MAGEL2: variants seen among roughly 807,000 people sequenced by gnomAD.
MAGEL2 encodes MAGE family member L2, also known as MAGE-like protein 2.
For synonymous variants in MAGEL2, 792 were observed against 721.7 expected (o/e 1.10, Z -1.56); for missense variants, 1,830 against 1,699.2 (o/e 1.08, Z -1.35).
Position 23,643,755 on chromosome 15 carries a change from A to G in MAGEL2, c.*238T>C. On this transcript the variant is annotated 3_prime_UTR_variant, in exon 1 of 1. Transcript: ENST00000650528. ...AAACATAACAATTAAAACACAAAAC[A>G]GAGAACCACAGATCTCACTTAAAAA... The G allele has an allele frequency of 2.3e-6, 1 of 430,600 alleles. No homozygotes were observed. The allele number at this position is 430,600 out of a possible 1,614,324, so 26.7% of individuals were successfully genotyped here.
Position 23,647,240 on chromosome 15 carries a change from G to C in MAGEL2, c.503C>G (p.Pro168Arg). Reference sequence around the variant, plus strand: ...CCCCGGAGGAGGAGGATGGGCCATCGGGGTCCCCGGAGGAGGAGGATGGGC... The same window carrying C: ...CCCCGGAGGAGGAGGATGGGCCATCCGGGTCCCCGGAGGAGGAGGATGGGC... ...PMAHPPPPGT[P>R]MAHPPPPGTP... Residue 168 changes from proline (P) to arginine (R), a missense_variant, in exon 1 of 1, where the codon CCG becomes CGG. Transcript: ENST00000650528. 2 of 1,526,342 alleles carry C rather than the reference G, an allele frequency of 1.3e-6. No individual in the cohort carries two copies. The highest frequency in any genetic ancestry group is 2.0e-5 in the Admixed American group (1 of 50,304). The allele number at this position is 1,526,342 out of a possible 1,614,324, so 94.5% of individuals were successfully genotyped here.
rs550125705 is a variant in MAGEL2, at chr15:23,646,417, C to T, written c.1326G>A (p.Pro442=). The stretch of plus-strand genomic sequence containing the variant: ...TCACGGGTGGGGCCTGGCGGATCAC[C>T]GGTGGGGCCTGGCGGATCAGCGGTG... ...QAPPLIRQAP[P]VIRQAPPVIR... is the part of the protein sequence containing the mutation. The change falls in exon 1 of 1, where the codon CCG becomes CCA. Residue 442 remains proline (P), a synonymous_variant. Coordinates refer to ENST00000650528, the MANE Select transcript of MAGEL2 (RefSeq NM_019066.5). The surrounding 1 kb of genome is among the most constrained non-coding windows in gnomAD (Gnocchi z 4.2). 5.2e-5 allele frequency: 73 copies of T among 1,394,370 alleles called. No individual in the cohort carries two copies. The African/African-American group carries it at 8.0e-4, about 15-fold the overall frequency. The allele number at this position is 1,394,370 out of a possible 1,614,324, so 86.4% of individuals were successfully genotyped here.
chr15:23,646,119 C>A lies in MAGEL2; in HGVS notation c.1624G>T (p.Val542Leu), dbSNP rs1595332878. ...PAPQVQAAPQ[V>L]PTAPPATQVP... ...TGCGTAGCAGGTGGGGCCGTAGGCA[C>A]CTGCGGCGCCGCCTGCACCTGCGGG... Residue 542 changes from valine to leucine, a missense_variant, in exon 1 of 1, where the codon GTG becomes TTG. By Grantham distance (32) the Val-to-Leu change is conservative (BLOSUM62 1). Transcript: ENST00000650528. This position sits in a 1 kb window ranked among gnomAD's most constrained non-coding sequence, Gnocchi z 4.2. 7.3e-7 allele frequency: 1 copy of A among 1,372,394 alleles called. No individual in the cohort carries two copies. The highest frequency in any genetic ancestry group is 3.0e-5 in the East Asian group (1 of 33,068). 85.0% of individuals were successfully genotyped at this position (1,372,394 alleles called of 1,614,324 possible).
chr15:23,643,939 C>A lies in MAGEL2; in HGVS notation c.*54G>T. The A allele has an allele frequency of 1.3e-6, 2 of 1,487,308 alleles. No individual in the cohort carries two copies. The highest frequency in any genetic ancestry group is 1.5e-5 in the South Asian group (1 of 66,906). 92.1% of individuals were successfully genotyped at this position (1,487,308 alleles called of 1,614,324 possible). A position where few individuals can be genotyped will look rare whatever the true frequency, so the allele number is the denominator to read the frequency against. On this transcript the variant is annotated 3_prime_UTR_variant, in exon 1 of 1. Coordinates refer to ENST00000650528, the MANE Select transcript of MAGEL2 (RefSeq NM_019066.5). Reference sequence around the variant, plus strand: ...CCAGGAACAAAAATGTCCCCCCACCCTGTCAGTGGCCTCTGGCCAGGGAAA... The same window carrying A: ...CCAGGAACAAAAATGTCCCCCCACCATGTCAGTGGCCTCTGGCCAGGGAAA...
chr15:23,646,638 G>T lies in MAGEL2; in HGVS notation c.1105C>A (p.Gln369Lys). The T allele has an allele frequency of 6.8e-7, 1 of 1,479,470 alleles. No individual in the cohort carries two copies. Among genetic ancestry groups the T allele is most frequent in the Non-Finnish European group, 8.9e-7 (1 of 1,119,222 alleles). 91.6% of individuals were successfully genotyped at this position (1,479,470 alleles called of 1,614,324 possible). Reference sequence around the variant, plus strand: ...GCCTGCCATCCTGGCGAGGTCGCCTGCCAGCCCGGGGGTGTGGCTAGCTGC... The same window carrying T: ...GCCTGCCATCCTGGCGAGGTCGCCTTCCAGCCCGGGGGTGTGGCTAGCTGC... ...PAQLATPPGW[Q>K]ATSPGWQATQ... The change falls in exon 1 of 1, where the codon CAG (glutamine) becomes AAG (lysine). Residue 369 changes from glutamine (Q) to lysine (K), a missense_variant. Transcript: ENST00000650528. This position sits in a 1 kb window ranked among gnomAD's most constrained non-coding sequence, Gnocchi z 4.2.
In MAGEL2 at chr15:23,646,704, C is replaced by T. The variant is rs868420655; in HGVS notation, c.1039G>A (p.Ala347Thr). 6.5e-7 allele frequency: 1 copy of T among 1,528,972 alleles called. No homozygotes were observed. Among genetic ancestry groups the T allele is most frequent in the Non-Finnish European group, 8.8e-7 (1 of 1,142,636 alleles). 94.7% of individuals were successfully genotyped at this position (1,528,972 alleles called of 1,614,324 possible). A position where few individuals can be genotyped will look rare whatever the true frequency, so the allele number is the denominator to read the frequency against. Reference sequence around the variant, plus strand: ...GGGCCCTGGGGAACCTGCGGAGGAGCCCTTATAACTTGAGACTGGATTTGC... The same window carrying T: ...GGGCCCTGGGGAACCTGCGGAGGAGTCCTTATAACTTGAGACTGGATTTGC... ...ILQIQSQVIR[A>T]PPQVPQGPQA... Residue 347 changes from alanine to threonine, a missense_variant, in exon 1 of 1, where the codon GCT (alanine) becomes ACT (threonine). Physicochemically the swap from Ala to Thr is moderately conservative, Grantham distance 58. Transcript: ENST00000650528. The surrounding 1 kb of genome is among the most constrained non-coding windows in gnomAD (Gnocchi z 4.2).
In MAGEL2 at chr15:23,643,862, C is replaced by T. The variant is rs550786085; in HGVS notation, c.*131G>A. ...AAAATGTACAAAGCTTTGGCAGATA[C>T]GAAACCAAGTTGAAAATCCAAACGT... On this transcript the variant is annotated 3_prime_UTR_variant, in exon 1 of 1. Coordinates refer to ENST00000650528, the MANE Select transcript of MAGEL2 (RefSeq NM_019066.5). 8.9e-6 allele frequency: 9 copies of T among 1,016,334 alleles called. No individual in the cohort carries two copies. The highest frequency in any genetic ancestry group is 2.7e-5 in the East Asian group (1 of 37,306). 63.0% of individuals were successfully genotyped at this position (1,016,334 alleles called of 1,614,324 possible).
In MAGEL2 at chr15:23,645,919, C is replaced by T; in HGVS notation, c.1824G>A (p.Glu608=). The T allele has an allele frequency of 6.4e-7, 1 of 1,572,750 alleles. No homozygotes were observed. Among genetic ancestry groups the T allele is most frequent in the East Asian group, 2.3e-5 (1 of 42,792 alleles). Residue 608 remains glutamate, a synonymous_variant, in exon 1 of 1, where the codon GAG becomes GAA. Transcript: ENST00000650528. ...AGGCCAGCGCCTGTGTCTGCTGCACCTCCTGGAATTCCATTGACGTTGGAA... is the reference window on the plus strand; with the variant it reads ...AGGCCAGCGCCTGTGTCTGCTGCACTTCCTGGAATTCCATTGACGTTGGAA... The part of the protein sequence containing the change: ...HEIPTSMEFQ[E]VQQTQALAWQ...
chr15:23,647,174 G>C lies in MAGEL2; in HGVS notation c.569C>G (p.Ala190Gly), dbSNP rs546001754. ...CGGTGTCCCCGGAGGGGGAGGATGAGCCATCGGGGTCCCCGGAGGAGGAGG... is the reference window on the plus strand; with the variant it reads ...CGGTGTCCCCGGAGGGGGAGGATGACCCATCGGGGTCCCCGGAGGAGGAGG... ...VHPPPPGTPM[A>G]HPPPPGTPMA... is the part of the protein sequence containing the mutation. The change falls in exon 1 of 1, where the codon GCT (alanine) becomes GGT (glycine). Residue 190 changes from alanine to glycine, a missense_variant. By Grantham distance (60) the Ala-to-Gly change is moderately conservative. Transcript: ENST00000650528. 76 of 1,523,400 alleles carry C rather than the reference G, an allele frequency of 5.0e-5. No individual in the cohort carries two copies. The East Asian group carries it at 1.7e-3, about 33-fold the overall frequency. 94.4% of individuals were successfully genotyped at this position (1,523,400 alleles called of 1,614,324 possible).
In MAGEL2 at chr15:23,647,718, C is replaced by G; in HGVS notation, c.25G>C (p.Gly9Arg). The G allele has an allele frequency of 6.8e-7, 1 of 1,470,944 alleles. No individual in the cohort carries two copies. Among genetic ancestry groups the G allele is most frequent in the Non-Finnish European group, 8.9e-7 (1 of 1,117,604 alleles). The allele number at this position is 1,470,944 out of a possible 1,614,324, so 91.1% of individuals were successfully genotyped here. A position where few individuals can be genotyped will look rare whatever the true frequency, so the allele number is the denominator to read the frequency against. The change falls in exon 1 of 1, where the codon GGT (glycine) becomes CGT (arginine). Residue 9 changes from glycine (G) to arginine (R), a missense_variant. Physicochemically the swap from Gly to Arg is moderately radical, Grantham distance 125. Coordinates refer to ENST00000650528, the MANE Select transcript of MAGEL2 (RefSeq NM_019066.5). ...GCCTCCGCCGGAGGACTCGAGTCAC[C>G]CAGATTCTTACTTAGCTGCGACATG... MSQLSKNL[G>R]DSSPPAEAPK...
rs150094328 is a variant in MAGEL2 at position 23,644,579 on chromosome 15, T to G, written c.3164A>C (p.Lys1055Thr). The change falls in exon 1 of 1, where the codon AAA becomes ACA. Residue 1055 changes from lysine to threonine, a missense_variant. By Grantham distance (78) the Lys-to-Thr change is moderately conservative. Coordinates refer to ENST00000650528, the MANE Select transcript of MAGEL2 (RefSeq NM_019066.5). ...GTTGATGATATCTAAGCACTCATCT[T>G]TATACTCTCGGAGGATGACTTTCAC... ...EMVKVILREY[K>T]DECLDIINRA... 6.2e-7 allele frequency: 1 copy of G among 1,613,942 alleles called. No individual in the cohort carries two copies. Among genetic ancestry groups the G allele is most frequent in the Non-Finnish European group, 8.5e-7 (1 of 1,179,876 alleles).
rs1890449339 is a variant in MAGEL2 at position 23,647,644 on chromosome 15, C to T, written c.99G>A (p.Pro33=). 1.3e-6 allele frequency: 2 copies of T among 1,536,304 alleles called. No individual in the cohort carries two copies. The highest frequency in any genetic ancestry group is 1.7e-6 in the Non-Finnish European group (2 of 1,146,644). ...YSRPTVLMRA[P]PASSRAPPVP... ...CTGGCGGAGCCCGGGAGGAAGCGGG[C>T]GGGGCCCGCATCAGAACCGTAGGGC... is the stretch of plus-strand genomic sequence containing the variant. Residue 33 remains proline (P), a synonymous_variant, in exon 1 of 1, where the codon CCG becomes CCA. Coordinates refer to ENST00000650528, the MANE Select transcript of MAGEL2 (RefSeq NM_019066.5).
Position 23,647,699 on chromosome 15 carries a change from G to C in MAGEL2, c.44C>G (p.Ala15Gly). 3 of 1,490,140 alleles carry C rather than the reference G, an allele frequency of 2.0e-6. No homozygotes were observed. Among genetic ancestry groups the C allele is most frequent in the Non-Finnish European group, 2.7e-6 (3 of 1,126,930 alleles). 92.3% of individuals were successfully genotyped at this position (1,490,140 alleles called of 1,614,324 possible). ...ATAGACAGGCGGCTTCGGGGCCTCC[G>C]CCGGAGGACTCGAGTCACCCAGATT... ...SKNLGDSSPP[A>G]EAPKPPVYSR... The change falls in exon 1 of 1, where the codon GCG becomes GGG. Residue 15 changes from alanine to glycine, a missense_variant. By Grantham distance (60) the Ala-to-Gly change is moderately conservative. Transcript: ENST00000650528.
At position 23,643,921 on chromosome 15, in the gene MAGEL2, C is replaced by A; in HGVS notation, c.*72G>T. 6.9e-7 allele frequency: 1 copy of A among 1,448,482 alleles called. No individual in the cohort carries two copies. The highest frequency in any genetic ancestry group is 9.1e-7 in the Non-Finnish European group (1 of 1,098,102). 89.7% of individuals were successfully genotyped at this position (1,448,482 alleles called of 1,614,324 possible). On this transcript the variant is annotated 3_prime_UTR_variant, in exon 1 of 1. Coordinates refer to ENST00000650528, the MANE Select transcript of MAGEL2 (RefSeq NM_019066.5). ...GGAACTGGAACACAAACACCAGGAA[C>A]AAAAATGTCCCCCCACCCTGTCAGT...
rs192154215 is a variant in MAGEL2, at chr15:23,646,979, G to A, written c.764C>T (p.Pro255Leu). 6.1e-5 allele frequency: 93 copies of A among 1,536,924 alleles called. No homozygotes were observed. The East Asian group carries it at 1.1e-3, about 18-fold the overall frequency. Residue 255 changes from proline to leucine, a missense_variant, in exon 1 of 1, where the codon CCG becomes CTG. Coordinates refer to ENST00000650528, the MANE Select transcript of MAGEL2 (RefSeq NM_019066.5). The surrounding 1 kb of genome is among the most constrained non-coding windows in gnomAD (Gnocchi z 4.2). The stretch of plus-strand genomic sequence containing the variant: ...AGGCGGCTGGACCATCGGTGCTCCC[G>A]GAGCAGCAGGCTGGACCATCAGGAC... ...PGVLMVQPAA[P>L]GAPMVQPPPA... is the part of the protein sequence containing the mutation.
In MAGEL2 at chr15:23,643,558, A is replaced by G. The variant is rs931624522; in HGVS notation, c.*435T>C. The G allele has an allele frequency of 6.5e-6, 1 of 153,068 alleles. No homozygotes were observed. Among genetic ancestry groups the G allele is most frequent in the African/African-American group, 2.4e-5 (1 of 41,492 alleles). 9.5% of individuals were successfully genotyped at this position (153,068 alleles called of 1,614,324 possible). A position where few individuals can be genotyped will look rare whatever the true frequency, so the allele number is the denominator to read the frequency against. On this transcript the variant is annotated 3_prime_UTR_variant, in exon 1 of 1. Transcript: ENST00000650528. ...AAGACAAACACTTCTGTTATGCTGAAAGTATATTTATATATATAGATATAG... is the reference window on the plus strand; with the variant it reads ...AAGACAAACACTTCTGTTATGCTGAGAGTATATTTATATATATAGATATAG...
rs539329325 is a variant in MAGEL2 at position 23,646,429 on chromosome 15, G to A, written c.1314C>T (p.Arg438=). Residue 438 remains arginine (R), a synonymous_variant, in exon 1 of 1, where the codon CGC becomes CGT. Transcript: ENST00000650528. The surrounding 1 kb of genome is among the most constrained non-coding windows in gnomAD (Gnocchi z 4.2). ...PPVRQAPPLI[R]QAPPVIRQAP... ...CCTGGCGGATCACCGGTGGGGCCTG[G>A]CGGATCAGCGGTGGGGCCTGTCGCA... 6.4e-6 allele frequency: 9 copies of A among 1,413,612 alleles called. 1 individual carries two copies. The highest frequency in any genetic ancestry group is 6.3e-5 in the South Asian group (4 of 63,838). 87.6% of individuals were successfully genotyped at this position (1,413,612 alleles called of 1,614,324 possible). A position where few individuals can be genotyped will look rare whatever the true frequency, so the allele number is the denominator to read the frequency against.
At position 23,646,829 on chromosome 15, in the gene MAGEL2, C is replaced by T. The variant is rs765001968; in HGVS notation, c.914G>A (p.Gly305Glu). The T allele has an allele frequency of 6.5e-7, 1 of 1,536,416 alleles. No individual in the cohort carries two copies. Among genetic ancestry groups the T allele is most frequent in the South Asian group, 1.2e-5 (1 of 84,062 alleles). ...RAPMTQPPAS[G>E]APMAQPAAPP... ...GGCCGCCGGCTGTGCCATCGGTGCT[C>T]CTGAAGCTGGAGGCTGGGTCATCGG... Residue 305 changes from glycine (G) to glutamate (E), a missense_variant, in exon 1 of 1, where the codon GGA becomes GAA. Physicochemically the swap from Gly to Glu is moderately conservative, Grantham distance 98 (BLOSUM62 -2). Transcript: ENST00000650528. The surrounding 1 kb of genome is among the most constrained non-coding windows in gnomAD (Gnocchi z 4.2).
In MAGEL2 at chr15:23,644,184, G is replaced by A. The variant is rs368965952; in HGVS notation, c.3559C>T (p.Arg1187Ter). ...PAEYEFLWGPRAFLETSKMLV... is the reference protein window; with the variant it reads ...PAEYEFLWGP ...ATCTTGCTGGTTTCCAGGAATGCTC[G>A]AGGGCCCCAGAGGAACTCATACTCT... The change falls in exon 1 of 1, where the codon CGA becomes TGA. Residue 1187 changes from arginine (R) to a stop codon, truncating the protein, a stop_gained. Coordinates refer to ENST00000650528, the MANE Select transcript of MAGEL2 (RefSeq NM_019066.5). LOFTEE classifies it low-confidence loss of function (END_TRUNC). 3.1e-6 allele frequency: 5 copies of A among 1,613,730 alleles called. No homozygotes were observed. Among genetic ancestry groups the A allele is most frequent in the African/African-American group, 2.7e-5 (2 of 74,914 alleles).
Sources: gnomAD v4.1 joint callset for allele counts on GRCh38, gnomAD v4.1.1 for gene constraint, Gnocchi (gnomAD v3.1) non-coding constraint, MANE v1.5 for transcripts, NCBI Gene and HGNC (gene_info 2026-07-23, HGNC 2026-07-21) for gene names.